Variants in ANKRD26 observed in about 807,000 individuals in gnomAD.
The protein encoded by ANKRD26 is ankyrin repeat domain-containing protein 26.
A neutral mutation model predicts 208.7 loss-of-function variants in ANKRD26; 141 were observed. The ratio of observed to expected loss-of-function variants is 0.68; its 90% CI spans 0.59 to 0.78. ANKRD26 has a LOEUF of 0.78. ANKRD26 is among the 30% of genes least tolerant of loss of function. ANKRD26 has a pLI of 0.00. For missense variants in ANKRD26, 1,889 were observed against 1,938.7 expected (o/e 0.97, Z 0.48); for synonymous variants, 636 against 660.4 (o/e 0.96, Z 0.57).
At chr10:26,958,900 T>C in the ANKRD26 span, among the ~76,000 whole-genome samples, 722 of 152,310 alleles carry the variant, frequency 4.7e-3, 3 homozygotes, top group African/African-American at 0.017. Flanking sequence ...CCTTCCACAA[T>C]AGTTGAAGTA....
At chr10:26,949,567 G>A in the ANKRD26 span, among the ~76,000 whole-genome samples, 1 of 152,056 alleles carries the variant, frequency 6.6e-6, no homozygotes, top group Non-Finnish European at 1.5e-5. Context: ...GTGCAGTGGC[G>A]AGATTTCGGC....
chr10:26,989,091 TA>T (rs199743844), downstream of ANKRD26, among the ~76,000 whole-genome samples: 185 of 151,692 alleles, frequency 1.2e-3, 1 homozygote, highest in Non-Finnish European at 1.9e-4. Flanking sequence ...TCGGGCAAGA[TA>T]TTTTTTTTTC....
intron 4 of ANKRD26, among the ~76,000 whole-genome samples, chr10:26,995,368 T>C (rs944224763): frequency 2.6e-5 from 4 of 152,204 alleles, no homozygotes; most frequent in Non-Finnish European, 4.4e-5. Context: ...GTTGCTCTCA[T>C]ACAGTGAGGC....
chr10:27,003,363 T>C (rs1415908396), downstream of ANKRD26, among the ~76,000 whole-genome samples: 1 of 152,202 alleles, frequency 6.6e-6, no homozygotes, highest in Non-Finnish European at 1.5e-5. Context: ...GATTTTGTTC[T>C]ATTTATCAAT....
Position 27,035,445 on chromosome 10 carries a change from A to G in ANKRD26, c.3005T>C (p.Leu1002Pro), listed in dbSNP as rs749827455. 6.2e-7 allele frequency: 1 copy of G among 1,614,022 alleles called. No homozygotes were observed. Among genetic ancestry groups the G allele is most frequent in the Admixed American group, 1.7e-5 (1 of 60,010 alleles). Reference protein sequence around the residue: ...LENEKQSKERLEAEVESYHSR... With the variant: ...LENEKQSKERPEAEVESYHSR... ...ATGGTATGATTCAACTTCTGCTTCC[A>G]GTCTTTCCTTGCTTTGCTTTTCATT... The change falls in exon 24 of 34, where the codon CTG becomes CCG. Residue 1002 changes from leucine to proline, a missense_variant. Coordinates refer to ENST00000376087, the MANE Select transcript of ANKRD26 (RefSeq NM_014915.3).
intron 29 of ANKRD26, among the ~76,000 whole-genome samples, chr10:27,020,054 C>T (rs2053434704): frequency 6.6e-6 from 1 of 152,192 alleles, no homozygotes. Flanking sequence ...GAAGCCTCTT[C>T]TAATCTAATG....
intron 3 of ANKRD26, among the ~76,000 whole-genome samples, chr10:26,985,044 A>T (rs2052363316): frequency 6.6e-6 from 1 of 152,146 alleles, no homozygotes; most frequent in Non-Finnish European, 1.5e-5. Flanking sequence ...GATTTTTCCA[A>T]CTGCCATCGC....
At chr10:27,017,972 C>T (rs1390079784) in intron 29 of ANKRD26, among the ~76,000 whole-genome samples, 180 bp from the exon 30 acceptor site, 1 of 152,070 alleles carries the variant, frequency 6.6e-6, no homozygotes, top group East Asian at 1.9e-4. Flanking sequence ...AAGTCAAAGC[C>T]ACCAGGAGTC....
At position 27,029,042 on chromosome 10, in the gene ANKRD26, T is replaced by C. The variant is rs909266110; in HGVS notation, c.3879-97A>G. 4 of 1,140,942 alleles carry C rather than the reference T, an allele frequency of 3.5e-6. No homozygotes were observed. The African/African-American group carries it at 4.8e-5, about 14-fold the overall frequency. The allele number at this position is 1,140,942 out of a possible 1,614,324, so 70.7% of individuals were successfully genotyped here. The stretch of plus-strand genomic sequence containing the variant: ...CACCTGAAGGCATAATTACATAAAT[T>C]CTTAAAGATTTCAAAAGTAGGTGAT... On this transcript the variant is annotated intron_variant, in intron 26 of 33. Transcript: ENST00000376087.
chr10:27,004,985 T>C lies in ANKRD26; in HGVS notation c.*605A>G. 6.3e-6 allele frequency: 6 copies of C among 957,222 alleles called. No homozygotes were observed. The highest frequency in any genetic ancestry group is 7.5e-6 in the Non-Finnish European group (6 of 804,206). The allele number at this position is 957,222 out of a possible 1,614,324, so 59.3% of individuals were successfully genotyped here. A position where few individuals can be genotyped will look rare whatever the true frequency, so the allele number is the denominator to read the frequency against. On this transcript the variant is annotated 3_prime_UTR_variant, in exon 34 of 34. Transcript: ENST00000376087. ...ATGACATAATGTCAGCAATTTACTC[T>C]CAAATTGTTCGGAGGAGAAAGTCTT...
intron 1 of ANKRD26, 56 bp downstream of exon 1, chr10:27,100,029 C>T: frequency 6.2e-7 from 1 of 1,609,140 alleles, no homozygotes; most frequent in Non-Finnish European, 8.5e-7. Flanking sequence ...AAAGGGGCCC[C>T]TCTTCCTGCC....
chr10:27,033,182 C>A, intron 25 of ANKRD26, 43 bp downstream of exon 25: 1 of 1,505,792 alleles, frequency 6.6e-7, no homozygotes, highest in South Asian at 1.2e-5. Context: ...TATATTTAAC[C>A]AGTTATAGAT....
intron 12 of ANKRD26, among the ~76,000 whole-genome samples, chr10:27,061,559 ATTTT>A (rs11399797): frequency 4.5e-5 from 6 of 134,222 alleles, no homozygotes; most frequent in South Asian, 2.4e-4. Context: ...TGCAACATCT[ATTTT>A]TTTTTTTTTT....
At chr10:26,987,466 A>T (rs1373247452), downstream of ANKRD26, among the ~76,000 whole-genome samples, 1 of 152,218 alleles carries the variant, frequency 6.6e-6, no homozygotes, top group African/African-American at 2.4e-5. Context: ...GAAGAGGACC[A>T]GCTTCAATTA....
intron 16 of ANKRD26, chr10:27,052,102 A>G (rs1463928855): frequency 5.1e-6 from 5 of 985,184 alleles, no homozygotes; most frequent in African/African-American, 1.7e-5. Flanking sequence ...TGTTTTTCAG[A>G]TGTCTTTTCT....
chr10:27,071,692 G>A (rs1422690871), intron 9 of ANKRD26, among the ~76,000 whole-genome samples: 1 of 152,036 alleles, frequency 6.6e-6, no homozygotes, highest in Non-Finnish European at 1.5e-5. Context: ...AAGAACAGGC[G>A]GGCAGCAGTG....
At chr10:27,073,111 G>A (rs559818410) in intron 9 of ANKRD26, among the ~76,000 whole-genome samples, 129 of 152,248 alleles carry the variant, frequency 8.5e-4, no homozygotes, top group Non-Finnish European at 1.4e-3. Context: ...GGCACCCCAT[G>A]GGAAAAAAAG....
At chr10:27,074,681 GA>G (rs1307122457) in intron 9 of ANKRD26, among the ~76,000 whole-genome samples, 1 of 151,526 alleles carries the variant, frequency 6.6e-6, no homozygotes, top group Non-Finnish European at 1.5e-5. Flanking sequence ...CTCGAGGGGG[GA>G]AAAGAAAAAA....
In ANKRD26 at chr10:26,980,136, A is replaced by C. The variant is rs578048352; in HGVS notation, c.*281+440T>G. Reference sequence around the variant, plus strand: ...CTGACATCCCATAATATTGTCTCAAAGTTTTATCAAAACATGAAAAATAAT... The same window carrying C: ...CTGACATCCCATAATATTGTCTCAACGTTTTATCAAAACATGAAAAATAAT... On this transcript the variant is annotated intron_variant and NMD_transcript_variant, in intron 5 of 5. Transcript: ENST00000674670. Among the ~76,000 whole-genome samples the C allele has an allele frequency of 2.0e-4, 31 of 152,336 alleles. 1 individual carries two copies. The highest frequency in any genetic ancestry group is 6.5e-4 in the Admixed American group (10 of 15,310).
Sources: gnomAD v4.1 joint callset for allele counts (sites outside exome capture counted in the v4.1 genomes callset) on GRCh38, gnomAD v4.1.1 for gene constraint, MANE v1.5 for transcripts, NCBI Gene and HGNC (gene_info 2026-07-23, HGNC 2026-07-21) for gene names.